Variants in FSTL1 observed in about 807,000 individuals in gnomAD.
FSTL1 encodes the protein follistatin like 1, also known as follistatin-related protein 1.
FSTL1 carries 24 observed loss-of-function variants against 45.9 expected under a neutral mutation model. The ratio of observed to expected loss-of-function variants is 0.52; its 90% CI spans 0.38 to 0.74. The LOEUF (loss-of-function observed/expected upper bound fraction) is 0.74, where lower values mean the gene tolerates loss of function less well. Ranked by LOEUF, FSTL1 falls within the 30% of genes least tolerant of loss-of-function variation. The pLI, the probability that FSTL1 is intolerant of heterozygous loss-of-function variation, is 0.00. For synonymous variants in FSTL1, 120 were observed against 137.6 expected, an observed-to-expected ratio of 0.87 and a Z score of 0.89; for missense variants, 340 against 381.8, an observed-to-expected ratio of 0.89 and a Z score of 0.91.
At position 120,393,769 on chromosome 3, in the gene FSTL1, G is replaced by C. The variant is rs1167038272; in HGVS notation, c.*3183C>G. On this transcript the variant is annotated 3_prime_UTR_variant, in exon 11 of 11. Transcript: ENST00000295633. ...GTATTGAGAGGTGAGGCTCTTGGGAGATGATTAGGTCATCAAAGTTTAACC... is the reference window on the plus strand; with the variant it reads ...GTATTGAGAGGTGAGGCTCTTGGGACATGATTAGGTCATCAAAGTTTAACC... The C allele has an allele frequency of 6.6e-6, 1 of 152,168 alleles. No homozygotes were observed. The highest frequency in any genetic ancestry group is 6.5e-5 in the Admixed American group (1 of 15,280). 9.4% of individuals were successfully genotyped at this position (152,168 alleles called of 1,614,324 possible).
chr3:120,450,725 G>T lies in FSTL1; in HGVS notation c.22C>A (p.Leu8Ile). 8.9e-7 allele frequency: 1 copy of T among 1,124,188 alleles called. No individual in the cohort carries two copies. The highest frequency in any genetic ancestry group is 1.2e-6 in the Non-Finnish European group (1 of 805,936). 69.6% of individuals were successfully genotyped at this position (1,124,188 alleles called of 1,614,324 possible). ...GCGACCGCCACCAGCGCGAGCGCGA[G>T]CGCGAGCCAGCGTTTCCACATCTGC... is the stretch of plus-strand genomic sequence containing the variant. Reference protein sequence around the residue: MWKRWLALALALVAVAWV... With the variant: MWKRWLAIALALVAVAWV... The change falls in exon 2 of 11, where the codon CTC (leucine) becomes ATC (isoleucine). Residue 8 changes from leucine (L) to isoleucine (I), a missense_variant. Physicochemically the swap from Leu to Ile is conservative, Grantham distance 5. Coordinates refer to ENST00000295633, the MANE Select transcript of FSTL1 (RefSeq NM_007085.5).
chr3:120,407,530 T>C (rs1147702), intron 6 of FSTL1, among the ~76,000 whole-genome samples: 45,343 of 152,138 alleles, frequency 0.3, 8,609 homozygotes, highest in East Asian at 0.79. Context: ...TTTGGCCTTA[T>C]TCAAATTCTA....
chr3:120,436,858 G>C (rs759113664), intron 2 of FSTL1, among the ~76,000 whole-genome samples: 4 of 152,140 alleles, frequency 2.6e-5, no homozygotes, highest in African/African-American at 4.8e-5. Context: ...TGCGTGCTCC[G>C]AGTATTTGTG....
chr3:120,416,760 G>C (rs2107658349), intron 2 of FSTL1, among the ~76,000 whole-genome samples: 1 of 152,254 alleles, frequency 6.6e-6, no homozygotes, highest in Admixed American at 6.5e-5. Flanking sequence ...AGATTAAGAG[G>C]GCGAAGCTGC....
At chr3:120,400,682 C>T (rs1407071818) in intron 9 of FSTL1, among the ~76,000 whole-genome samples, 3 of 152,198 alleles carry the variant, frequency 2.0e-5, no homozygotes, top group Admixed American at 6.5e-5. Context: ...CTTGGCTCTG[C>T]CTCCTCCTGG....
At chr3:120,435,062 T>A (rs1937527745) in intron 2 of FSTL1, among the ~76,000 whole-genome samples, 1 of 151,884 alleles carries the variant, frequency 6.6e-6, no homozygotes. Flanking sequence ...CTACCAAAAA[T>A]ACAAAAATTA....
intron 2 of FSTL1, among the ~76,000 whole-genome samples, chr3:120,428,767 AACAAC>A (rs1553704113): frequency 1.3e-5 from 2 of 151,846 alleles, no homozygotes; most frequent in South Asian, 2.1e-4. Context: ...CAACAACAAC[AACAAC>A]AAAAAACAGG....
At chr3:120,410,928 A>G in intron 5 of FSTL1, 24 bp downstream of exon 5, 9 of 1,569,140 alleles carry the variant, frequency 5.7e-6, no homozygotes, top group Non-Finnish European at 7.9e-6. Context: ...TGAGATGCAC[A>G]CAGTAGAAAA....
rs1029557499 is a variant in FSTL1, at chr3:120,444,539, G to A, written c.63+6145C>T. Among the ~76,000 whole-genome samples the A allele has an allele frequency of 2.7e-5, 4 of 149,616 alleles. 2 individuals carry two copies. Among genetic ancestry groups the A allele is most frequent in the African/African-American group, 1.0e-4 (4 of 39,024 alleles). On this transcript the variant is annotated intron_variant, in intron 2 of 10. Transcript: ENST00000295633. ...CTCCTTAAGCAATCCCTGAAGTCCT[G>A]CCCCTTGGATATTTCATCCAGTGCC...
intron 2 of FSTL1, among the ~76,000 whole-genome samples, chr3:120,433,665 G>C (rs1559742942): frequency 6.6e-6 from 1 of 152,224 alleles, no homozygotes; most frequent in Non-Finnish European, 1.5e-5. Flanking sequence ...CCTGTGATCA[G>C]TAAGTTTAGA....
intron 3 of FSTL1, among the ~76,000 whole-genome samples, chr3:120,412,486 C>A (rs1937075437): frequency 6.6e-6 from 1 of 152,276 alleles, no homozygotes; most frequent in South Asian, 2.1e-4. Flanking sequence ...CAGGCCCTCA[C>A]CAGACATCAA....
chr3:120,403,600 C>A (rs151147496), intron 7 of FSTL1, among the ~76,000 whole-genome samples: 9 of 152,154 alleles, frequency 5.9e-5, no homozygotes, highest in Non-Finnish European at 7.4e-5. Flanking sequence ...TGTTCCCCCC[C>A]TTAAGATGAC....
Position 120,440,856 on chromosome 3 carries a change from A to C in FSTL1, c.63+9828T>G, listed in dbSNP as rs543290152. 9.2e-4 allele frequency among the ~76,000 whole-genome samples: 140 copies of C among 152,284 alleles called. 1 individual carries two copies. The highest frequency in any genetic ancestry group is 3.1e-3 in the African/African-American group (130 of 41,572). On this transcript the variant is annotated intron_variant, in intron 2 of 10. Coordinates refer to ENST00000295633, the MANE Select transcript of FSTL1 (RefSeq NM_007085.5). ...TCTCTGTAATGGTGAGAGAAGGAAAATAGAGGAGAAAGATGAAGGGAAGAG... is the reference window on the plus strand; with the variant it reads ...TCTCTGTAATGGTGAGAGAAGGAAACTAGAGGAGAAAGATGAAGGGAAGAG...
chr3:120,440,528 A>G (rs1305038000), intron 2 of FSTL1, among the ~76,000 whole-genome samples: 2 of 152,070 alleles, frequency 1.3e-5, no homozygotes, highest in East Asian at 1.9e-4. Context: ...CTGTCCCAAT[A>G]CTTCTCACAT....
chr3:120,412,663 A>C (rs1332720146), intron 3 of FSTL1, among the ~76,000 whole-genome samples: 1 of 152,214 alleles, frequency 6.6e-6, no homozygotes, highest in South Asian at 2.1e-4. Context: ...TAAAAGCCAG[A>C]AATTTGAATT....
In FSTL1 at chr3:120,394,969, CAT is replaced by C. The variant is rs1195503339; in HGVS notation, c.*1981_*1982del. 1 of 152,326 alleles carries C rather than the reference CAT, an allele frequency of 6.6e-6. No individual in the cohort carries two copies. The highest frequency in any genetic ancestry group is 2.4e-5 in the African/African-American group (1 of 41,444). The allele number at this position is 152,326 out of a possible 1,614,324, so 9.4% of individuals were successfully genotyped here. ...AATTGGTGTACTCTTGCCCTCCTCCCATAGTGTCCAAGGGCTGGTAAAACCTT... is the reference window on the plus strand; with the variant it reads ...AATTGGTGTACTCTTGCCCTCCTCCCAGTGTCCAAGGGCTGGTAAAACCTT... On this transcript the variant is annotated 3_prime_UTR_variant, in exon 11 of 11. Transcript: ENST00000295633.
chr3:120,436,719 G>C (rs1937566990), intron 2 of FSTL1, among the ~76,000 whole-genome samples: 1 of 152,218 alleles, frequency 6.6e-6, no homozygotes, highest in Non-Finnish European at 1.5e-5. Flanking sequence ...CTGAAAGACT[G>C]CTGGGACTCT....
chr3:120,409,812 C>T (rs1002739571), intron 5 of FSTL1, 150 bp from the exon 6 acceptor site: 5 of 548,208 alleles, frequency 9.1e-6, no homozygotes, highest in Non-Finnish European at 1.2e-5. Context: ...CCAGGGTACA[C>T]AACTGGAAAA....
In FSTL1 at chr3:120,430,052, T is replaced by C. The variant is rs187758739; in HGVS notation, c.64-14025A>G. 4.6e-5 allele frequency among the ~76,000 whole-genome samples: 7 copies of C among 152,262 alleles called. No individual in the cohort carries two copies. In the East Asian group the frequency reaches 1.2e-3, roughly 25 times the overall value. The stretch of plus-strand genomic sequence containing the variant: ...CAGTGGCACAGGGATCCTGTAGTCA[T>C]GAAATCAGGGAAAGATCAGGCTCTC... On this transcript the variant is annotated intron_variant, in intron 2 of 10. Transcript: ENST00000295633.
Sources: gnomAD v4.1 joint callset for allele counts (sites outside exome capture counted in the v4.1 genomes callset) on GRCh38, gnomAD v4.1.1 for gene constraint, MANE v1.5 for transcripts, NCBI Gene and HGNC (gene_info 2026-07-23, HGNC 2026-07-21) for gene names.